The following IL2RA variants were observed in gnomAD, a reference collection of about 807,000 sequenced individuals.
IL2RA encodes the protein interleukin-2 receptor subunit alpha.
In IL2RA, 24 loss-of-function variants were observed where a neutral mutation model predicts 37.8. The ratio of observed to expected loss-of-function variants is 0.63; its 90% CI spans 0.46 to 0.89. IL2RA has a LOEUF of 0.89. IL2RA is among the 40% of genes least tolerant of loss of function. The probability of loss-of-function intolerance (pLI) is 0.00; values close to 1 mark genes in which losing one functional copy is unlikely to be tolerated. For missense variants in IL2RA, 319 were observed against 348.6 expected, an observed-to-expected ratio of 0.92 and a Z score of 0.68; for synonymous variants, 125 against 114.6, an observed-to-expected ratio of 1.09 and a Z score of -0.58.
Position 6,028,366 on chromosome 10 carries a change from G to T in IL2RA, c.65-2341C>A, listed in dbSNP as rs1839517390. Among the ~76,000 whole-genome samples, 1 of 152,226 alleles carries T rather than the reference G, an allele frequency of 6.6e-6. No individual in the cohort carries two copies. Among genetic ancestry groups the T allele is most frequent in the East Asian group, 1.9e-4 (1 of 5,198 alleles). On this transcript the variant is annotated intron_variant, in intron 1 of 7. Transcript: ENST00000379959. The surrounding 1 kb of genome is among the most constrained non-coding windows in gnomAD (Gnocchi z 4.1). ...CATTGTGAGGGCTGAGAGAAGAAGA[G>T]TTATGCTAAGTTTTATTTATAAAAA...
intron 1 of IL2RA, among the ~76,000 whole-genome samples, chr10:6,061,071 A>G (rs2132910222): frequency 6.6e-6 from 1 of 152,254 alleles, no homozygotes; most frequent in Middle Eastern, 3.4e-3. Flanking sequence ...TTGAGGTAGA[A>G]GTTGGTGGTT....
chr10:6,012,910 A>T lies in IL2RA; in HGVS notation c.795-14T>A, dbSNP rs1468804628. The T allele has an allele frequency of 6.2e-7, 1 of 1,613,902 alleles. No homozygotes were observed. Among genetic ancestry groups the T allele is most frequent in the Admixed American group, 1.7e-5 (1 of 60,018 alleles). ...CTACTCTTCCTCCTGTAGTGGTGTA[A>T]CAAAGTCACGGTCATATGTGTAACA... On this transcript the variant is annotated splice_polypyrimidine_tract_variant and intron_variant, in intron 7 of 7. Transcript: ENST00000379959. This position sits in a 1 kb window ranked among gnomAD's most constrained non-coding sequence, Gnocchi z 4.8.
chr10:6,027,766 A>G (rs1050094056), intron 1 of IL2RA, among the ~76,000 whole-genome samples: 3 of 152,188 alleles, frequency 2.0e-5, no homozygotes, highest in Admixed American at 2.0e-4. Context: ...ACTGGACTGA[A>G]GTTTACCTTA....
rs1393595443 is a variant in IL2RA at position 6,010,987 on chromosome 10, TGAAGGGGGAGGGGGAGAGTGCACA to T, written c.*1861_*1884del. 6.6e-6 allele frequency: 1 copy of T among 152,312 alleles called. No individual in the cohort carries two copies. Among genetic ancestry groups the T allele is most frequent in the Non-Finnish European group, 1.5e-5 (1 of 68,028 alleles). 9.4% of individuals were successfully genotyped at this position (152,312 alleles called of 1,614,324 possible). A position where few individuals can be genotyped will look rare whatever the true frequency, so the allele number is the denominator to read the frequency against. ...CAACTTTACTCAGAAAACATATACC[TGAAGGGGGAGGGGGAGAGTGCACA>T]GATGAGTCTGTTTGTATGTGGTTGG... is the stretch of plus-strand genomic sequence containing the variant. On this transcript the variant is annotated 3_prime_UTR_variant, in exon 8 of 8. Transcript: ENST00000379959.
intron 1 of IL2RA, among the ~76,000 whole-genome samples, chr10:6,051,834 T>TAGAGAGAGAGAGAGAG (rs772262467): frequency 8.4e-6 from 1 of 119,616 alleles, no homozygotes; most frequent in Admixed American, 8.3e-5. Flanking sequence ...TATATATATA[T>TAGAGAGAGAGAGAGAG]ATATATATAG....
chr10:6,040,606 A>G (rs1227626419), intron 1 of IL2RA, among the ~76,000 whole-genome samples: 1 of 152,218 alleles, frequency 6.6e-6, no homozygotes. Context: ...AATACATGGT[A>G]TTGTCTTAGT....
In IL2RA at chr10:6,046,749, C is replaced by G. The variant is rs1220166939; in HGVS notation, c.64+15339G>C. ...CCCTGCCTTAACACAAATTCTTAGT[C>G]AACACACAACATTTGATCTCTGATA... On this transcript the variant is annotated intron_variant, in intron 1 of 7. Coordinates refer to ENST00000379959, the MANE Select transcript of IL2RA (RefSeq NM_000417.3). This position sits in a 1 kb window ranked among gnomAD's most constrained non-coding sequence, Gnocchi z 4.8. Among the ~76,000 whole-genome samples the G allele has an allele frequency of 6.6e-6, 1 of 152,326 alleles. No individual in the cohort carries two copies. Among genetic ancestry groups the G allele is most frequent in the African/African-American group, 2.4e-5 (1 of 41,570 alleles).
chr10:6,018,050 T>TA lies in IL2RA; in HGVS notation c.794+2dup. On this transcript the variant is annotated splice_region_variant and intron_variant, in intron 7 of 7. Transcript: ENST00000379959. This position sits in a 1 kb window ranked among gnomAD's most constrained non-coding sequence, Gnocchi z 5.1. ...AGGGCTGCCTTGGTGATGCCACACT[T>TA]ACTGTCTCCGCTGCCAGGTGAGCCC... The TA allele has an allele frequency of 6.2e-7, 1 of 1,613,370 alleles. No homozygotes were observed. Among genetic ancestry groups the TA allele is most frequent in the South Asian group, 1.1e-5 (1 of 91,004 alleles).
At position 6,031,442 on chromosome 10, in the gene IL2RA, G is replaced by GTATATATATATATATA. The variant is rs1242025908; in HGVS notation, c.65-5418_65-5417insTATATATATATATATA. Among the ~76,000 whole-genome samples the GTATATATATATATATA allele has an allele frequency of 7.0e-4, 38 of 54,036 alleles. 2 individuals carry two copies. The highest frequency in any genetic ancestry group is 1.2e-3 in the East Asian group (1 of 806). 35.4% of individuals were successfully genotyped at this position (54,036 alleles called of 152,430 possible). A position where few individuals can be genotyped will look rare whatever the true frequency, so the allele number is the denominator to read the frequency against. ...AGAATTTAGCAAGTTAGCAATTTCAGTATATATATATACATATATATATAT... is the reference window on the plus strand; with the variant it reads ...AGAATTTAGCAAGTTAGCAATTTCAGTATATATATATATATATATATATATATACATATATATATAT... On this transcript the variant is annotated intron_variant, in intron 1 of 7. Coordinates refer to ENST00000379959, the MANE Select transcript of IL2RA (RefSeq NM_000417.3).
chr10:6,021,513 A>T lies in IL2RA; in HGVS notation c.548T>A (p.Ile183Lys). The change falls in exon 4 of 8, where the codon ATA (isoleucine) becomes AAA (lysine). Residue 183 changes from isoleucine (I) to lysine (K), a missense_variant. Ile to Lys is a moderately radical substitution (Grantham distance 102). Coordinates refer to ENST00000379959, the MANE Select transcript of IL2RA (RefSeq NM_000417.3). This position sits in a 1 kb window ranked among gnomAD's most constrained non-coding sequence, Gnocchi z 4.9. ...GKTRWTQPQL[I>K]CTGEMETSQF... is the part of the protein sequence containing the mutation. ...ACTGGTCTCCATTTCACCTGTGCAT[A>T]TGAGCTGGGGCTGGGTCCACCTTGT... 1 of 1,614,084 alleles carries T rather than the reference A, an allele frequency of 6.2e-7. No individual in the cohort carries two copies. Among genetic ancestry groups the T allele is most frequent in the Non-Finnish European group, 8.5e-7 (1 of 1,180,006 alleles).
rs572208200 is a variant in IL2RA at position 6,023,872 on chromosome 10, C to T, written c.367+372G>A. The stretch of plus-strand genomic sequence containing the variant: ...TTGTGCTTAAGGGGAAGACGCAGAG[C>T]GTTTCCTTGAGGGCAGGGATCGTTG... On this transcript the variant is annotated intron_variant, in intron 3 of 7. Transcript: ENST00000379959. Among the ~76,000 whole-genome samples the T allele has an allele frequency of 8.5e-5, 13 of 152,302 alleles. No homozygotes were observed. In the East Asian group the frequency reaches 1.2e-3, roughly 14 times the overall value.
Position 6,046,321 on chromosome 10 carries a change from C to A in IL2RA, c.64+15767G>T, listed in dbSNP as rs994536513. On this transcript the variant is annotated intron_variant, in intron 1 of 7. Transcript: ENST00000379959. The surrounding 1 kb of genome is among the most constrained non-coding windows in gnomAD (Gnocchi z 4.8). Reference sequence around the variant, plus strand: ...TCTGGGGTCCTGGCGCTTTCAGATACTACCATGATCTGCTAGTCTACTGTG... The same window carrying A: ...TCTGGGGTCCTGGCGCTTTCAGATAATACCATGATCTGCTAGTCTACTGTG... Among the ~76,000 whole-genome samples, 2 of 152,184 alleles carry A rather than the reference C, an allele frequency of 1.3e-5. No individual in the cohort carries two copies. The highest frequency in any genetic ancestry group is 4.8e-5 in the African/African-American group (2 of 41,442).
At position 6,046,081 on chromosome 10, in the gene IL2RA, G is replaced by A. The variant is rs986300784; in HGVS notation, c.64+16007C>T. Among the ~76,000 whole-genome samples the A allele has an allele frequency of 2.0e-5, 3 of 152,112 alleles. No homozygotes were observed. Among genetic ancestry groups the A allele is most frequent in the Non-Finnish European group, 2.9e-5 (2 of 68,010 alleles). On this transcript the variant is annotated intron_variant, in intron 1 of 7. Coordinates refer to ENST00000379959, the MANE Select transcript of IL2RA (RefSeq NM_000417.3). The surrounding 1 kb of genome is among the most constrained non-coding windows in gnomAD (Gnocchi z 4.8). ...CTCCTCAGGGGTTCCCAGCAGCCAG[G>A]CTCACTCTGCCCTGCTCCTCACCCA... is the stretch of plus-strand genomic sequence containing the variant.
In IL2RA at chr10:6,014,971, A is replaced by G. The variant is rs562159163; in HGVS notation, c.795-2075T>C. The stretch of plus-strand genomic sequence containing the variant: ...GTATTTTCTCAGGGTCTTACTGTGG[A>G]GTTTGTATCAGGGTTGGCCAGAGTG... On this transcript the variant is annotated intron_variant, in intron 7 of 7. Transcript: ENST00000379959. This position sits in a 1 kb window ranked among gnomAD's most constrained non-coding sequence, Gnocchi z 4.4. Among the ~76,000 whole-genome samples, 1 of 152,070 alleles carries G rather than the reference A, an allele frequency of 6.6e-6. No homozygotes were observed. The highest frequency in any genetic ancestry group is 2.4e-5 in the African/African-American group (1 of 41,460).
intron 1 of IL2RA, among the ~76,000 whole-genome samples, chr10:6,027,467 G>C (rs907789654): frequency 6.6e-6 from 1 of 152,180 alleles, no homozygotes; most frequent in Non-Finnish European, 1.5e-5. Context: ...AATAAATGCT[G>C]GTAATCTCAT....
Position 6,022,950 on chromosome 10 carries a change from G to C in IL2RA, c.368-1257C>G, listed in dbSNP as rs1215325980. On this transcript the variant is annotated intron_variant, in intron 3 of 7. Coordinates refer to ENST00000379959, the MANE Select transcript of IL2RA (RefSeq NM_000417.3). This position sits in a 1 kb window ranked among gnomAD's most constrained non-coding sequence, Gnocchi z 4.7. The stretch of plus-strand genomic sequence containing the variant: ...AAAGTCGGAAGGGGAAGGAGTAAGA[G>C]CATCATGTTGCAACTGTGCCCCTAG... Among the ~76,000 whole-genome samples, 1 of 152,166 alleles carries C rather than the reference G, an allele frequency of 6.6e-6. No individual in the cohort carries two copies. Among genetic ancestry groups the C allele is most frequent in the Non-Finnish European group, 1.5e-5 (1 of 68,026 alleles).
intron 1 of IL2RA, among the ~76,000 whole-genome samples, chr10:6,050,847 A>G (rs986785677): frequency 3.7e-4 from 57 of 152,056 alleles, no homozygotes; most frequent in Admixed American, 3.7e-3. Flanking sequence ...TAGATTGAAA[A>G]CGGGGCCAGA....
intron 1 of IL2RA, among the ~76,000 whole-genome samples, chr10:6,050,664 G>C (rs1043438196): frequency 6.6e-6 from 1 of 152,128 alleles, no homozygotes; most frequent in Admixed American, 6.5e-5. Context: ...TGGTTGGGGT[G>C]GGGGAATAGT....
Position 6,021,389 on chromosome 10 carries a change from C to A in IL2RA, c.583+89G>T. The A allele has an allele frequency of 1.8e-6, 2 of 1,106,450 alleles. No homozygotes were observed. Among genetic ancestry groups the A allele is most frequent in the Admixed American group, 1.7e-5 (1 of 59,268 alleles). The allele number at this position is 1,106,450 out of a possible 1,614,324, so 68.5% of individuals were successfully genotyped here. A position where few individuals can be genotyped will look rare whatever the true frequency, so the allele number is the denominator to read the frequency against. ...TCAAGGGTCTTGTCCAAGGACCACT[C>A]TTGTCCAGCAGGAGTGGTCAGGGAT... On this transcript the variant is annotated intron_variant, in intron 4 of 7. Transcript: ENST00000379959. This position sits in a 1 kb window ranked among gnomAD's most constrained non-coding sequence, Gnocchi z 4.9.
Sources: allele counts gnomAD v4.1 joint callset (sites outside exome capture counted in the v4.1 genomes callset), GRCh38; gene constraint gnomAD v4.1.1; non-coding constraint Gnocchi (gnomAD v3.1); transcripts MANE v1.5; gene names NCBI Gene and HGNC (gene_info 2026-07-23, HGNC 2026-07-21).